The following DNAH1 variants were observed in gnomAD, a reference collection of about 807,000 sequenced individuals.
DNAH1 encodes dynein axonemal heavy chain 1, also known as axonemal beta dynein heavy chain 1.
A neutral mutation model predicts 484.3 loss-of-function variants in DNAH1; 327 were observed. The ratio of observed to expected loss-of-function variants is 0.68; its 90% confidence interval spans 0.62 to 0.74. The LOEUF (loss-of-function observed/expected upper bound fraction) is 0.74, where lower values mean the gene tolerates loss of function less well. DNAH1 is among the 30% of genes least tolerant of loss of function. The pLI is 0.00. For missense variants in DNAH1, 5,052 were observed against 5,546.8 expected, an observed-to-expected ratio of 0.91 and a Z score of 2.83; for synonymous variants, 2,192 against 2,191.9, an observed-to-expected ratio of 1.00 and a Z score of 0.00.
At chr3:52,350,659 G>A (rs773147985) in intron 16 of DNAH1, 69 bp downstream of exon 16, 4 of 1,403,998 alleles carry the variant, frequency 2.8e-6, no homozygotes, top group Non-Finnish European at 4.0e-6. Flanking sequence ...AGCTGCAGAG[G>A]CTCCCAAATG....
intron 1 of DNAH1, among the ~76,000 whole-genome samples, 169 bp from the exon 2 acceptor site, chr3:52,322,240 A>G (rs1701174832): frequency 6.6e-6 from 1 of 152,162 alleles, no homozygotes; most frequent in East Asian, 1.9e-4. Context: ...GACTCGGGGT[A>G]CTGTATGCCT....
intron 41 of DNAH1, among the ~76,000 whole-genome samples, chr3:52,371,268 C>T (rs1386661350): frequency 6.6e-6 from 1 of 152,234 alleles, no homozygotes; most frequent in Non-Finnish European, 1.5e-5. Context: ...CACCCTCATC[C>T]CAAGGTCAAG....
chr3:52,322,533 C>A lies in DNAH1; in HGVS notation c.91C>A (p.His31Asn). The A allele has an allele frequency of 1.9e-6, 3 of 1,613,782 alleles. No homozygotes were observed. Among genetic ancestry groups the A allele is most frequent in the Non-Finnish European group, 2.5e-6 (3 of 1,179,794 alleles). Residue 31 changes from histidine (H) to asparagine (N), a missense_variant, in exon 2 of 78, where the codon CAC (histidine) becomes AAC (asparagine). Coordinates refer to ENST00000420323, the MANE Select transcript of DNAH1 (RefSeq NM_015512.5). ...TGCTCCTGCAGTCCAAGTGGGGACC[C>A]ACAGGGGCCTAGAGTATAACCCGGG... ...SSAPAVQVGT[H>N]RGLEYNPGKI...
chr3:52,311,007 A>G, the DNAH1 span, among the ~76,000 whole-genome samples: 3 of 152,188 alleles, frequency 2.0e-5, no homozygotes, highest in African/African-American at 7.2e-5. Flanking sequence ...TCTCACCCCA[A>G]CTGAGGGAGG....
chr3:52,392,495 G>A lies in DNAH1; in HGVS notation c.10084G>A (p.Val3362Met), dbSNP rs531928757. The A allele has an allele frequency of 3.1e-6, 5 of 1,613,866 alleles. No homozygotes were observed. The East Asian group carries it at 1.1e-4, about 36-fold the overall frequency. Reference protein sequence around the residue: ...GLEDQLLGQVVAEERPDLEEA... With the variant: ...GLEDQLLGQVMAEERPDLEEA... ...AGAGGACCAGCTACTGGGCCAGGTA[G>A]TGGCAGAGGAGCGACCCGACCTGGA... The change falls in exon 64 of 78, where the codon GTG (valine) becomes ATG (methionine). Residue 3362 changes from valine (V) to methionine (M), a missense_variant. Transcript: ENST00000420323.
Position 52,326,758 on chromosome 3 carries a change from T to C in DNAH1, c.605T>C (p.Leu202Pro), listed in dbSNP as rs1395611267. The C allele has an allele frequency of 5.0e-6, 8 of 1,613,500 alleles. No individual in the cohort carries two copies. Among genetic ancestry groups the C allele is most frequent in the Non-Finnish European group, 6.8e-6 (8 of 1,179,684 alleles). ...AGGAGGAAACAGCAGTACCTGAGCC[T>C]GGACATTGAGCAGTTGCTGTTCAGC... ...IERRKQQYLS[L>P]DIEQLLFSQG... Residue 202 changes from leucine to proline, a missense_variant, in exon 5 of 78, where the codon CTG (leucine) becomes CCG (proline). By Grantham distance (98) the Leu-to-Pro change is moderately conservative. Coordinates refer to ENST00000420323, the MANE Select transcript of DNAH1 (RefSeq NM_015512.5).
In DNAH1 at chr3:52,353,380, C is replaced by G. The variant is rs544051613; in HGVS notation, c.3227C>G (p.Ala1076Gly). Residue 1076 changes from alanine to glycine, a missense_variant and splice_region_variant, in exon 20 of 78, where the codon GCC (alanine) becomes GGC (glycine). This residue lies in a region of DNAH1 where 2,929 missense variants were observed against 3,409.4 expected (regional missense o/e 0.86). Transcript: ENST00000420323. The surrounding 1 kb of genome is among the most constrained non-coding windows in gnomAD (Gnocchi z 5.0). ...KCVKQFKDMP[A>G]CQEVALDIRA... ...CATGCGTTTCTGTCTTACCCGGCAGCCTGCCAGGAAGTGGCCTTGGACATC... is the reference window on the plus strand; with the variant it reads ...CATGCGTTTCTGTCTTACCCGGCAGGCTGCCAGGAAGTGGCCTTGGACATC... The G allele has an allele frequency of 3.1e-6, 5 of 1,609,112 alleles. No homozygotes were observed. The South Asian group carries it at 5.5e-5, about 18-fold the overall frequency.
Position 52,395,177 on chromosome 3 carries a change from T to G in DNAH1, c.10968+118T>G. ...CAGGCCAGGACCCCTGCTTGCTCCC[T>G]AAAGGCTCTGAGGTTCCAGCCCCCA... is the stretch of plus-strand genomic sequence containing the variant. On this transcript the variant is annotated intron_variant, in intron 68 of 77. Coordinates refer to ENST00000420323, the MANE Select transcript of DNAH1 (RefSeq NM_015512.5). This position sits in a 1 kb window ranked among gnomAD's most constrained non-coding sequence, Gnocchi z 4.4. 2.0e-6 allele frequency: 3 copies of G among 1,495,554 alleles called. No individual in the cohort carries two copies. Among genetic ancestry groups the G allele is most frequent in the Non-Finnish European group, 1.8e-6 (2 of 1,114,458 alleles). 92.6% of individuals were successfully genotyped at this position (1,495,554 alleles called of 1,614,324 possible).
intron 63 of DNAH1, 78 bp from the exon 64 acceptor site, chr3:52,392,386 G>A (rs1421492659): frequency 1.5e-6 from 2 of 1,345,720 alleles, no homozygotes; most frequent in Non-Finnish European, 2.1e-6. Context: ...AAGCACAGGT[G>A]GATGGGTGAC....
intron 44 of DNAH1, 118 bp from the exon 45 acceptor site, chr3:52,375,122 G>C: frequency 8.5e-7 from 1 of 1,171,186 alleles, no homozygotes; most frequent in Non-Finnish European, 1.2e-6. Context: ...TGATGTATTT[G>C]TCTTTATTCC....
chr3:52,355,145 C>A lies in DNAH1; in HGVS notation c.3693+90C>A. 7.7e-7 allele frequency: 1 copy of A among 1,305,924 alleles called. No homozygotes were observed. The highest frequency in any genetic ancestry group is 1.2e-5 in the South Asian group (1 of 80,256). The allele number at this position is 1,305,924 out of a possible 1,614,324, so 80.9% of individuals were successfully genotyped here. On this transcript the variant is annotated intron_variant, in intron 21 of 77. Transcript: ENST00000420323. This position sits in a 1 kb window ranked among gnomAD's most constrained non-coding sequence, Gnocchi z 4.5. ...TCACTGATGGTCTCCGGGTGGGGTT[C>A]AAAGCATCGCAGTGCCTTGCCCTCA...
At chr3:52,344,371 C>A (rs1702061457) in intron 8 of DNAH1, 119 bp from the exon 9 acceptor site, 8 of 1,280,706 alleles carry the variant, frequency 6.2e-6, no homozygotes, top group Non-Finnish European at 8.5e-6. Flanking sequence ...GCCCATGAAT[C>A]CAGAAGGGAA....
rs368578545 is a variant in DNAH1 at position 52,341,592 on chromosome 3, A to G, written c.1287-2898A>G. ...TGCTCTGTCCCCCAGGCTAGAGTGC[A>G]GTGGAGCAATCTTAGCTCACTGCAA... On this transcript the variant is annotated intron_variant, in intron 8 of 77. Coordinates refer to ENST00000420323, the MANE Select transcript of DNAH1 (RefSeq NM_015512.5). Among the ~76,000 whole-genome samples, 5 of 142,032 alleles carry G rather than the reference A, an allele frequency of 3.5e-5. No individual in the cohort carries two copies. In the East Asian group the frequency reaches 6.1e-4, roughly 17 times the overall value. 93.2% of individuals were successfully genotyped at this position (142,032 alleles called of 152,430 possible).
At position 52,327,892 on chromosome 3, in the gene DNAH1, A is replaced by G. The variant is rs1701407720; in HGVS notation, c.749A>G (p.Asn250Ser). Residue 250 changes from asparagine to serine, a missense_variant, in exon 6 of 78, where the codon AAT (asparagine) becomes AGT (serine). Physicochemically the swap from Asn to Ser is conservative, Grantham distance 46. This residue lies in a region of DNAH1 where 1,263 missense variants were observed against 1,218.8 expected (regional missense o/e 1.04). Transcript: ENST00000420323. ...CCTGCTTTCTTCCAGGTATTTGACA[A>G]TGAGGACTTTGACTGCCGGACTCCC... The part of the protein sequence containing the change: ...PIYLPLKVFD[N>S]EDFDCRTPRE... The G allele has an allele frequency of 1.2e-6, 2 of 1,613,578 alleles. No homozygotes were observed. The highest frequency in any genetic ancestry group is 1.1e-5 in the South Asian group (1 of 91,076).
chr3:52,374,167 G>T (rs1703481372), intron 44 of DNAH1: 1 of 1,276,816 alleles, frequency 7.8e-7, no homozygotes, highest in Admixed American at 1.7e-5. Context: ...TCAGAAAACA[G>T]ATAAATAATA....
At chr3:52,389,341 G>GT (rs1704263310) in intron 59 of DNAH1, 120 bp from the exon 60 acceptor site, 1 of 1,410,594 alleles carries the variant, frequency 7.1e-7, no homozygotes, top group East Asian at 2.5e-5. Context: ...TAGAATGCAG[G>GT]TATCTGGCTC....
chr3:52,398,930 C>G lies in DNAH1; in HGVS notation c.12170C>G (p.Ser4057Cys). Reference protein sequence around the residue: ...KALKGLVVMSSQLELMAASLY... With the variant: ...KALKGLVVMSCQLELMAASLY... ...CTCAAGGGGCTGGTAGTGATGTCCT[C>G]TCAGCTGGAGCTGATGGCTGCCAGC... is the stretch of plus-strand genomic sequence containing the variant. The change falls in exon 76 of 78, where the codon TCT (serine) becomes TGT (cysteine). Residue 4057 changes from serine (S) to cysteine (C), a missense_variant. Ser to Cys is a moderately radical substitution (Grantham distance 112, BLOSUM62 -1). This residue lies in a region of DNAH1 where 853 missense variants were observed against 899.0 expected (regional missense o/e 0.95). Transcript: ENST00000420323. 6.2e-7 allele frequency: 1 copy of G among 1,612,962 alleles called. No individual in the cohort carries two copies. The highest frequency in any genetic ancestry group is 8.5e-7 in the Non-Finnish European group (1 of 1,179,208).
intron 39 of DNAH1, 41 bp from the exon 40 acceptor site, chr3:52,370,436 C>A (rs1428508826): frequency 6.2e-7 from 1 of 1,612,994 alleles, no homozygotes; most frequent in East Asian, 2.2e-5. Flanking sequence ...CCGCTTGATA[C>A]TGTTCCTGTC....
At chr3:52,330,661 G>A (rs113524185) in intron 6 of DNAH1, among the ~76,000 whole-genome samples, 1 of 151,170 alleles carries the variant, frequency 6.6e-6, no homozygotes, top group African/African-American at 2.4e-5. Flanking sequence ...ACCAAAGAGC[G>A]GCTCCTGCCC....
Sources: gnomAD v4.1 joint callset for allele counts (sites outside exome capture counted in the v4.1 genomes callset) on GRCh38, gnomAD v4.1.1 for gene constraint, gnomAD v4.1.1 regional missense constraint, Gnocchi (gnomAD v3.1) non-coding constraint, MANE v1.5 for transcripts, NCBI Gene and HGNC (gene_info 2026-07-23, HGNC 2026-07-21) for gene names.